Variants in ANKFN1 observed in about 807,000 individuals in gnomAD.
The protein encoded by ANKFN1 is ankyrin repeat and fibronectin type-III domain-containing protein 1.
In ANKFN1, 74 loss-of-function variants were observed where a neutral mutation model predicts 108.7. The ratio of observed to expected loss-of-function variants is 0.68; its 90% CI spans 0.56 to 0.83. ANKFN1 has a LOEUF of 0.83. ANKFN1 is among the 40% of genes least tolerant of loss of function. ANKFN1 has a pLI of 0.00. For synonymous variants in ANKFN1, 547 were observed against 516.2 expected (o/e 1.06, Z -0.81); for missense variants, 1,505 against 1,382.3 (o/e 1.09, Z -1.41).
chr17:56,370,532 G>A (rs1377059881), intron 6 of ANKFN1, among the ~76,000 whole-genome samples: 1 of 152,046 alleles, frequency 6.6e-6, no homozygotes, highest in East Asian at 1.9e-4. Context: ...TCAAACATCA[G>A]GCATACAATA....
chr17:56,065,528 C>T (rs1439860456), intron 4 of ANKFN1, among the ~76,000 whole-genome samples: 2 of 152,136 alleles, frequency 1.3e-5, no homozygotes, highest in Non-Finnish European at 2.9e-5. Context: ...TCATTTCTAG[C>T]TTTTGATTTA....
At chr17:56,060,983 G>A (rs1482575029) in intron 4 of ANKFN1, among the ~76,000 whole-genome samples, 1 of 152,134 alleles carries the variant, frequency 6.6e-6, no homozygotes, top group East Asian at 1.9e-4. Flanking sequence ...TTTTTCAACT[G>A]TTTGGAATAG....
At chr17:56,351,044 T>C in intron 5 of ANKFN1, 77 bp downstream of exon 5, 1 of 1,442,132 alleles carries the variant, frequency 6.9e-7, no homozygotes, top group South Asian at 1.3e-5. Flanking sequence ...TCTAAGATGA[T>C]TCATGTTTAC....
chr17:56,427,613 C>G (rs2048610770), intron 8 of ANKFN1, among the ~76,000 whole-genome samples: 1 of 151,998 alleles, frequency 6.6e-6, no homozygotes, highest in African/African-American at 2.4e-5. Context: ...ACTCTGGCCC[C>G]TGGGGAAAGG....
intron 3 of ANKFN1, among the ~76,000 whole-genome samples, chr17:56,269,602 G>T (rs1421560938): frequency 6.6e-6 from 1 of 152,110 alleles, no homozygotes; most frequent in Non-Finnish European, 1.5e-5. Context: ...TGGATTTCAT[G>T]AGAAAAAAAG....
intron 8 of ANKFN1, among the ~76,000 whole-genome samples, chr17:56,428,947 A>G (rs1184961570): frequency 2.0e-5 from 3 of 151,222 alleles, no homozygotes; most frequent in African/African-American, 7.3e-5. Context: ...TTTTGGAACT[A>G]TTACTCTACA....
intron 3 of ANKFN1, chr17:56,228,642 A>T (rs1483506977): frequency 6.6e-6 from 1 of 152,026 alleles, no homozygotes; most frequent in Non-Finnish European, 1.5e-5. Context: ...AGAAAGTTTC[A>T]TATGTCTCTG....
chr17:56,098,432 ACACACACGCG>A (rs1905574654), intron 4 of ANKFN1, among the ~76,000 whole-genome samples: 1 of 136,786 alleles, frequency 7.3e-6, no homozygotes, highest in African/African-American at 3.3e-5. Flanking sequence ...ACACACACAC[ACACACACGCG>A]CGCGCACATA....
chr17:56,402,378 C>G (rs1340096868), intron 8 of ANKFN1, among the ~76,000 whole-genome samples: 1 of 152,096 alleles, frequency 6.6e-6, no homozygotes, highest in Non-Finnish European at 1.5e-5. Context: ...TGCTACTGGT[C>G]TGTTCAGGGT....
intron 8 of ANKFN1, among the ~76,000 whole-genome samples, chr17:56,426,504 G>A (rs1239844552): frequency 6.6e-6 from 1 of 152,136 alleles, no homozygotes; most frequent in Non-Finnish European, 1.5e-5. Context: ...TCAACATTAT[G>A]CATTTTAGGT....
At chr17:56,416,764 G>C (rs961422393) in intron 8 of ANKFN1, among the ~76,000 whole-genome samples, 22 of 152,176 alleles carry the variant, frequency 1.4e-4, no homozygotes, top group African/African-American at 5.3e-4. Context: ...TCCCATGCTT[G>C]TTGCAGCACT....
intron 3 of ANKFN1, among the ~76,000 whole-genome samples, chr17:56,238,614 T>C (rs1041722330): frequency 6.6e-6 from 1 of 152,192 alleles, no homozygotes; most frequent in Non-Finnish European, 1.5e-5. Context: ...CCTGCTTTTT[T>C]ACTAATTTCC....
rs10572105 is a variant in ANKFN1 at position 56,085,180 on chromosome 17, C to CATAT, written c.288+38880_288+38883dup. On this transcript the variant is annotated intron_variant, in intron 4 of 12. Coordinates refer to the ANKFN1 transcript ENST00000635860. ...TCTGGTTAAATGTTGCCCTCCAAAG[C>CATAT]ATATATATATATATATATATATATA... Among the ~76,000 whole-genome samples the CATAT allele has an allele frequency of 9.5e-3, 1,305 of 137,702 alleles. 37 individuals carry two copies. Among genetic ancestry groups the CATAT allele is most frequent in the African/African-American group, 0.011 (403 of 35,678 alleles). 90.3% of individuals were successfully genotyped at this position (137,702 alleles called of 152,430 possible).
At chr17:56,386,163 C>T (rs1185045929) in intron 8 of ANKFN1, among the ~76,000 whole-genome samples, 1 of 151,380 alleles carries the variant, frequency 6.6e-6, no homozygotes, top group Non-Finnish European at 1.5e-5. Context: ...GAGTTCATGT[C>T]CTTTGTAGGG....
At chr17:56,438,031 G>T (rs2048982688) in intron 8 of ANKFN1, among the ~76,000 whole-genome samples, 1 of 145,656 alleles carries the variant, frequency 6.9e-6, no homozygotes, top group African/African-American at 2.6e-5. Context: ...CATTTGATTT[G>T]TAAGTATTTA....
At chr17:56,129,463 G>T (rs1907141590) in intron 4 of ANKFN1, among the ~76,000 whole-genome samples, 2 of 146,860 alleles carry the variant, frequency 1.4e-5, no homozygotes, top group African/African-American at 5.1e-5. Flanking sequence ...ACCATCTAAA[G>T]AAAGTTCTTA....
At chr17:56,290,574 C>G (rs942888724) in intron 3 of ANKFN1, among the ~76,000 whole-genome samples, 6 of 152,074 alleles carry the variant, frequency 3.9e-5, no homozygotes, top group Non-Finnish European at 5.9e-5. Flanking sequence ...AGGGCATTCT[C>G]CCCCACCATC....
chr17:56,066,120 C>G (rs934225909), intron 4 of ANKFN1, among the ~76,000 whole-genome samples: 3 of 152,172 alleles, frequency 2.0e-5, no homozygotes, highest in African/African-American at 7.2e-5. Flanking sequence ...CTTCTGATCT[C>G]TTTTGGCTTA....
chr17:56,244,730 A>C (rs569767860), intron 3 of ANKFN1, among the ~76,000 whole-genome samples: 7 of 152,246 alleles, frequency 4.6e-5, no homozygotes, highest in Admixed American at 3.3e-4. Flanking sequence ...GAGTACCAGC[A>C]GGGTATAGAG....
Sources: gnomAD v4.1 joint callset for allele counts (sites outside exome capture counted in the v4.1 genomes callset) on GRCh38, gnomAD v4.1.1 for gene constraint, MANE v1.5 for transcripts, NCBI Gene and HGNC (gene_info 2026-07-23, HGNC 2026-07-21) for gene names.